YIPF6: variants seen among roughly 807,000 people sequenced by gnomAD.
YIPF6 encodes protein YIPF6.
In YIPF6, 3 loss-of-function variants were observed where a neutral mutation model predicts 16.8. The ratio of observed to expected loss-of-function variants is 0.18; its 90% CI spans 0.08 to 0.46. YIPF6 has a LOEUF of 0.46. Ranked by LOEUF, YIPF6 falls within the 20% of genes least tolerant of loss-of-function variation. The pLI is 0.98. For missense variants in YIPF6, 145 were observed against 184.9 expected, an observed-to-expected ratio of 0.78 and a Z score of 1.25; for synonymous variants, 67 against 61.9, an observed-to-expected ratio of 1.08 and a Z score of -0.38.
At position 68,523,036 on chromosome X, in the gene YIPF6, T is replaced by A. The variant is rs2079133343; in HGVS notation, c.592+119T>A. The A allele has an allele frequency of 3.5e-6, 3 of 865,859 alleles. No homozygotes were observed. The Admixed American group carries it at 9.7e-5, about 28-fold the overall frequency. 71.4% of individuals were successfully genotyped at this position (865,859 alleles called of 1,213,427 possible). On this transcript the variant is annotated intron_variant, in intron 6 of 6. Coordinates refer to ENST00000462683, the MANE Select transcript of YIPF6 (RefSeq NM_173834.4). ...ATGTGAGTGATATGATTCTTGATAG[T>A]ATTATCCATAGAACCCTCTTCCCTG...
intron 3 of YIPF6, among the ~76,000 whole-genome samples, chrX:68,516,672 C>A (rs1304790398): frequency 8.9e-6 from 1 of 111,873 alleles, no homozygotes; most frequent in Non-Finnish European, 1.9e-5. Flanking sequence ...AATTTGCGTA[C>A]CTCTCTTGGG....
intron 1 of YIPF6, among the ~76,000 whole-genome samples, chrX:68,511,502 C>T (rs1044308323): frequency 8.9e-6 from 1 of 111,969 alleles, no homozygotes; most frequent in African/African-American, 3.2e-5. Flanking sequence ...GCAACAGAAA[C>T]GTGGCCATTC....
intron 3 of YIPF6, among the ~76,000 whole-genome samples, chrX:68,517,835 G>A (rs1380168731): frequency 9.2e-6 from 1 of 109,245 alleles, no homozygotes; most frequent in South Asian, 4.0e-4. Flanking sequence ...GTGTGGTGGC[G>A]TGTGCCTGTA....
intron 1 of YIPF6, among the ~76,000 whole-genome samples, chrX:68,507,330 C>T (rs1433303722): frequency 8.9e-6 from 1 of 112,149 alleles, no homozygotes; most frequent in Non-Finnish European, 1.9e-5. Flanking sequence ...TTATGTAAAT[C>T]CAAGTTTCCT....
chrX:68,501,238 C>G (rs1382665187), intron 1 of YIPF6, among the ~76,000 whole-genome samples: 2 of 112,033 alleles, frequency 1.8e-5, no homozygotes, highest in Non-Finnish European at 3.8e-5. Context: ...GAGAAAGTTA[C>G]ACAAAGAATA....
At position 68,518,827 on chromosome X, in the gene YIPF6, T is replaced by G. The variant is rs1368926244; in HGVS notation, c.308+15T>G. On this transcript the variant is annotated intron_variant, in intron 4 of 6. Coordinates refer to ENST00000462683, the MANE Select transcript of YIPF6 (RefSeq NM_173834.4). ...ACACTCGCATTGTAAGTACTTGCAT[T>G]TTCTTTCTTTGTCATTTGAGCTAGA... is the stretch of plus-strand genomic sequence containing the variant. 1 of 1,168,247 alleles carries G rather than the reference T, an allele frequency of 8.6e-7. No homozygotes were observed. Among genetic ancestry groups the G allele is most frequent in the Non-Finnish European group, 1.1e-6 (1 of 878,767 alleles).
At position 68,522,807 on chromosome X, in the gene YIPF6, T is replaced by C. The variant is rs761580509; in HGVS notation, c.482T>C (p.Leu161Ser). The change falls in exon 6 of 7, where the codon TTG becomes TCG. Residue 161 changes from leucine (L) to serine (S), a missense_variant. Leu to Ser is a moderately radical substitution (Grantham distance 145). Coordinates refer to ENST00000462683, the MANE Select transcript of YIPF6 (RefSeq NM_173834.4). ...LCVLGYCILP[L>S]TVAMLICRLV... ...GTGCTGGGTTACTGTATACTTCCCT[T>C]GACAGTAGCAATGCTGATTTGCCGG... The C allele has an allele frequency of 5.8e-6, 7 of 1,211,318 alleles. 1 individual carries two copies. The Admixed American group carries it at 1.5e-4, about 26-fold the overall frequency.
intron 6 of YIPF6, among the ~76,000 whole-genome samples, chrX:68,530,034 G>A (rs1330937861): frequency 8.9e-6 from 1 of 112,179 alleles, no homozygotes; most frequent in Non-Finnish European, 1.9e-5. Flanking sequence ...CTGGCAGGCA[G>A]GAATGTTTAA....
At chrX:68,527,033 A>C (rs1182682796) in intron 6 of YIPF6, among the ~76,000 whole-genome samples, 1 of 112,212 alleles carries the variant, frequency 8.9e-6, no homozygotes, top group African/African-American at 3.2e-5. Context: ...TGTTTGGAAT[A>C]GTTTCAGACG....
chrX:68,509,269 A>G (rs1209008030), intron 1 of YIPF6, among the ~76,000 whole-genome samples: 5 of 109,900 alleles, frequency 4.5e-5, no homozygotes, highest in Non-Finnish European at 9.5e-5. Flanking sequence ...GCATGCCACC[A>G]TGCCCAACTA....
chrX:68,525,564 C>T (rs751746540), intron 6 of YIPF6, among the ~76,000 whole-genome samples: 10 of 112,115 alleles, frequency 8.9e-5, no homozygotes, highest in Non-Finnish European at 1.5e-4. Context: ...TTGCCTATGC[C>T]TATGTCCTAA....
intron 1 of YIPF6, among the ~76,000 whole-genome samples, chrX:68,506,170 CTT>C (rs1187783585): frequency 9.1e-6 from 1 of 110,015 alleles, no homozygotes; most frequent in African/African-American, 3.3e-5. Context: ...AGGACTTTTT[CTT>C]TGTTATCATA....
At chrX:68,530,796 C>T (rs2079168123) in intron 6 of YIPF6, among the ~76,000 whole-genome samples, 1 of 111,314 alleles carries the variant, frequency 9.0e-6, no homozygotes. Context: ...TGGGCTGCAC[C>T]CACTGTCTAA....
Position 68,511,872 on chromosome X carries a change from C to G in YIPF6, c.81C>G (p.Ser27=). 8.3e-7 allele frequency: 1 copy of G among 1,206,696 alleles called. No individual in the cohort carries two copies. Among genetic ancestry groups the G allele is most frequent in the Non-Finnish European group, 1.1e-6 (1 of 894,029 alleles). Reference sequence around the variant, plus strand: ...AGTTTGCAGGCCTTTCAGATATATCCATCTCACAAGACATCCCCGTAGAAG... The same window carrying G: ...AGTTTGCAGGCCTTTCAGATATATCGATCTCACAAGACATCCCCGTAGAAG... ...RPLFAGLSDI[S]ISQDIPVEGE... is the part of the protein sequence containing the mutation. Residue 27 remains serine, a synonymous_variant, in exon 2 of 7, where the codon TCC becomes TCG. Coordinates refer to ENST00000462683, the MANE Select transcript of YIPF6 (RefSeq NM_173834.4).
chrX:68,524,622 T>C (rs1272072463), intron 6 of YIPF6, among the ~76,000 whole-genome samples: 2 of 109,586 alleles, frequency 1.8e-5, no homozygotes, highest in African/African-American at 6.7e-5. Flanking sequence ...GCTGCACCCA[T>C]CAACCCATCA....
intron 1 of YIPF6, among the ~76,000 whole-genome samples, chrX:68,508,400 A>G (rs1815051270): frequency 8.9e-6 from 1 of 111,913 alleles, no homozygotes; most frequent in Admixed American, 9.5e-5. Context: ...CACTGCGGTT[A>G]GCCTATATCT....
At chrX:68,524,152 T>G (rs1258727164) in intron 6 of YIPF6, among the ~76,000 whole-genome samples, 1 of 110,937 alleles carries the variant, frequency 9.0e-6, no homozygotes, top group Non-Finnish European at 1.9e-5. Context: ...AGGAAAGATT[T>G]CCCAGAGATG....
At chrX:68,514,239 A>ATAT (rs1555998140) in intron 3 of YIPF6, 11 of 94,698 alleles carry the variant, frequency 1.2e-4, no homozygotes, top group Middle Eastern at 5.4e-3. Flanking sequence ...AAAAAAAAAA[A>ATAT]ATATATATAT....
rs187743431 is a variant in YIPF6, at chrX:68,528,427, C to T, written c.593-3454C>T. Reference sequence around the variant, plus strand: ...TACAGCACACTGATGGGTCTTGACTCTTTATCCAATTTGCCAGTCTGTGTC... The same window carrying T: ...TACAGCACACTGATGGGTCTTGACTTTTTATCCAATTTGCCAGTCTGTGTC... On this transcript the variant is annotated intron_variant, in intron 6 of 6. Coordinates refer to ENST00000462683, the MANE Select transcript of YIPF6 (RefSeq NM_173834.4). Among the ~76,000 whole-genome samples the T allele has an allele frequency of 2.6e-4, 29 of 111,651 alleles. No homozygotes were observed. The East Asian group carries it at 7.9e-3, about 30-fold the overall frequency.
Sources: gnomAD v4.1 joint callset for allele counts (sites outside exome capture counted in the v4.1 genomes callset) on GRCh38, gnomAD v4.1.1 for gene constraint, MANE v1.5 for transcripts, NCBI Gene and HGNC (gene_info 2026-07-23, HGNC 2026-07-21) for gene names.